The following DCAF8L2 variants were observed in gnomAD, a reference collection of about 807,000 sequenced individuals.
DCAF8L2 encodes the protein DDB1 and CUL4 associated factor 8 like 2, also known as DDB1- and CUL4-associated factor 8-like protein 2.
For synonymous variants in DCAF8L2, 200 were observed against 190.9 expected (o/e 1.05, Z -0.39); for missense variants, 430 against 490.7 (o/e 0.88, Z 1.17).
intron 1 of DCAF8L2, among the ~76,000 whole-genome samples, chrX:27,600,634 G>T (rs1926597274): frequency 8.9e-6 from 1 of 111,844 alleles, no homozygotes; most frequent in African/African-American, 3.2e-5. Context: ...AAAAATGAAT[G>T]GTCACTAAAG....
chrX:27,512,779 CA>C, the DCAF8L2 span, among the ~76,000 whole-genome samples: 5 of 18,544 alleles, frequency 2.7e-4, no homozygotes, highest in African/African-American at 8.8e-4. Flanking sequence ...CAATCTTGAG[CA>C]AAAAAAAAAA....
chrX:27,660,264 T>C (rs1224550614), intron 2 of DCAF8L2, among the ~76,000 whole-genome samples: 1 of 111,980 alleles, frequency 8.9e-6, no homozygotes, highest in African/African-American at 3.2e-5. Flanking sequence ...CCTCAGGTGA[T>C]CCACCTGTCT....
chrX:27,496,603 T>C, the DCAF8L2 span, among the ~76,000 whole-genome samples: 2 of 111,958 alleles, frequency 1.8e-5, no homozygotes, highest in East Asian at 5.6e-4. Context: ...GCCCTTTCTG[T>C]CTGCAAATCA....
intron 4 of DCAF8L2, among the ~76,000 whole-genome samples, chrX:27,721,469 C>T (rs1352081250): frequency 9.0e-6 from 1 of 111,217 alleles, no homozygotes; most frequent in Non-Finnish European, 1.9e-5. Context: ...TAAATAAATA[C>T]AAATGGACAT....
At chrX:27,481,889 T>C in the DCAF8L2 span, among the ~76,000 whole-genome samples, 1 of 111,934 alleles carries the variant, frequency 8.9e-6, no homozygotes, top group Non-Finnish European at 1.9e-5. Flanking sequence ...TGGATTTATT[T>C]TAATTTTGCT....
At position 27,669,571 on chromosome X, in the gene DCAF8L2, A is replaced by C. The variant is rs181969183; in HGVS notation, c.-219-8265A>C. ...TACATGCGCCATGTTAGTGTGCTGC[A>C]CCCATTAACTCATCATTTACATTAG... On this transcript the variant is annotated intron_variant, in intron 2 of 4. Coordinates refer to ENST00000451261, the MANE Select transcript of DCAF8L2 (RefSeq NM_001353450.2). Among the ~76,000 whole-genome samples, 8 of 109,613 alleles carry C rather than the reference A, an allele frequency of 7.3e-5. No individual in the cohort carries two copies. In the East Asian group the frequency reaches 2.3e-3, roughly 31 times the overall value.
At chrX:27,580,980 T>C in the DCAF8L2 span, among the ~76,000 whole-genome samples, 1 of 111,920 alleles carries the variant, frequency 8.9e-6, no homozygotes, top group Non-Finnish European at 1.9e-5. Flanking sequence ...ACACAATATA[T>C]CCAGAATATT....
the DCAF8L2 span, among the ~76,000 whole-genome samples, chrX:27,554,655 G>A: frequency 1.8e-5 from 2 of 111,957 alleles, no homozygotes; most frequent in South Asian, 7.4e-4. Context: ...AAGCCATGCA[G>A]TCTGCAGCAT....
chrX:27,710,597 T>C (rs1931492445), intron 3 of DCAF8L2, among the ~76,000 whole-genome samples: 1 of 112,297 alleles, frequency 8.9e-6, no homozygotes, highest in Admixed American at 9.5e-5. Context: ...ATTAATCTAG[T>C]CTCTGACCAT....
At chrX:27,633,380 A>G (rs1202737508) in intron 2 of DCAF8L2, 2 of 112,166 alleles carry the variant, frequency 1.8e-5, no homozygotes, top group Non-Finnish European at 3.8e-5. Context: ...ATTGTACAGC[A>G]TAAAAGAAGA....
the DCAF8L2 span, among the ~76,000 whole-genome samples, chrX:27,478,918 T>A: frequency 2.4e-4 from 27 of 112,018 alleles, no homozygotes; most frequent in Middle Eastern, 4.6e-3. Flanking sequence ...CTCCCAGTGA[T>A]CCTTTCTCCT....
At chrX:27,707,057 T>C (rs1931367307) in intron 3 of DCAF8L2, among the ~76,000 whole-genome samples, 1 of 111,732 alleles carries the variant, frequency 8.9e-6, no homozygotes, top group African/African-American at 3.3e-5. Flanking sequence ...TGGTTTCATT[T>C]ACATAAAATG....
chrX:27,747,324 GGA>G lies in DCAF8L2; in HGVS notation c.431_432del (p.Glu144GlyfsTer17). ...EEEEEEEEEEEEEEQPRAGPQ... is the reference protein window; with the variant it reads ...EEEEEEEEEEXEEEQPRAGPQ... ...AGGAGGAGGAGGAGGAGGAGGAGGA[GGA>G]GGAAGAAGAACAGCCTCGGGCGGGT... On this transcript the variant is annotated frameshift_variant, in exon 5 of 5. Coordinates refer to ENST00000451261, the MANE Select transcript of DCAF8L2 (RefSeq NM_001353450.2). LOFTEE classifies it low-confidence loss of function (END_TRUNC). The G allele has an allele frequency of 2.8e-6, 3 of 1,079,303 alleles. No homozygotes were observed. The highest frequency in any genetic ancestry group is 4.3e-5 in the South Asian group (2 of 46,859). The allele number at this position is 1,079,303 out of a possible 1,213,427, so 88.9% of individuals were successfully genotyped here.
chrX:27,587,985 A>AAAAAAAAATATATATATATAT, upstream of DCAF8L2, among the ~76,000 whole-genome samples: 7 of 22,350 alleles, frequency 3.1e-4, no homozygotes, highest in African/African-American at 6.9e-4. Flanking sequence ...TAAAAAAAAA[A>AAAAAAAAATATATATATATAT]ATATATATAT....
the DCAF8L2 span, among the ~76,000 whole-genome samples, chrX:27,511,797 A>T: frequency 1.7e-4 from 19 of 112,259 alleles, no homozygotes; most frequent in African/African-American, 6.1e-4. Flanking sequence ...ATGAATGTAA[A>T]AACTATTTGC....
chrX:27,601,758 C>G (rs1316469013), intron 1 of DCAF8L2, among the ~76,000 whole-genome samples: 1 of 109,244 alleles, frequency 9.2e-6, no homozygotes, highest in Non-Finnish European at 1.9e-5. Flanking sequence ...TTAACATATT[C>G]AATTTGTGAT....
In DCAF8L2 at chrX:27,630,968, C is replaced by A. The variant is rs7060256; in HGVS notation, c.-341-911C>A. On this transcript the variant is annotated intron_variant, in intron 1 of 4. Transcript: ENST00000451261. Reference sequence around the variant, plus strand: ...CCATTCTCATAACCTAATCACATCCCAAACACCACTCTTTCAAATACCATG... The same window carrying A: ...CCATTCTCATAACCTAATCACATCCAAAACACCACTCTTTCAAATACCATG... Among the ~76,000 whole-genome samples, 1,061 of 111,270 alleles carry A rather than the reference C, an allele frequency of 9.5e-3. 7 individuals are homozygous for A. The highest frequency in any genetic ancestry group is 0.033 in the African/African-American group (1,007 of 30,613).
At chrX:27,695,810 T>G (rs1930873740) in intron 3 of DCAF8L2, among the ~76,000 whole-genome samples, 1 of 111,455 alleles carries the variant, frequency 9.0e-6, no homozygotes, top group South Asian at 3.7e-4. Context: ...TTTTCAAATT[T>G]CAAATATTAC....
chrX:27,639,925 A>C (rs1928645857), intron 2 of DCAF8L2, among the ~76,000 whole-genome samples: 1 of 111,502 alleles, frequency 9.0e-6, no homozygotes, highest in African/African-American at 3.3e-5. Flanking sequence ...CACTTTTTAA[A>C]ATTTTATTTA....
Sources: allele counts gnomAD v4.1 joint callset (sites outside exome capture counted in the v4.1 genomes callset), GRCh38; gene constraint gnomAD v4.1.1; transcripts MANE v1.5; gene names NCBI Gene and HGNC (gene_info 2026-07-23, HGNC 2026-07-21).